CPAMD8: variants seen among roughly 807,000 people sequenced by gnomAD.
CPAMD8 encodes C3 and PZP-like alpha-2-macroglobulin domain-containing protein 8.
CPAMD8 carries 146 observed loss-of-function variants against 224.7 expected under a neutral mutation model. That is an observed-to-expected ratio of 0.65 (90% CI 0.57 to 0.75). The LOEUF (loss-of-function observed/expected upper bound fraction) is 0.75, where lower values mean the gene tolerates loss of function less well. Among genes scored for constraint, CPAMD8 ranks in the 30% least tolerant of loss-of-function variants. The pLI is 0.00. For synonymous variants in CPAMD8, 966 were observed against 1,044.6 expected (o/e 0.92, Z 1.45); for missense variants, 2,301 against 2,537.5 (o/e 0.91, Z 2.00).
rs1451498077 is a variant in CPAMD8 at position 17,010,436 on chromosome 19, C to T, written c.486+1028G>A. On this transcript the variant is annotated intron_variant, in intron 5 of 41. Transcript: ENST00000443236. ...TTTTAATTTTTTGTCAAGACAGTTT[C>T]GCTATGTTGCCCAGAATGGTCTCGG... 1.1e-4 allele frequency among the ~76,000 whole-genome samples: 17 copies of T among 152,136 alleles called. No individual in the cohort carries two copies. In the East Asian group the frequency reaches 2.9e-3, roughly 26 times the overall value.
At chr19:16,962,415 T>C (rs982287359) in intron 18 of CPAMD8, among the ~76,000 whole-genome samples, 12 of 152,112 alleles carry the variant, frequency 7.9e-5, no homozygotes, top group Non-Finnish European at 2.9e-5. Context: ...CAATAGCCGA[T>C]TCGATCAAGT....
At position 16,930,197 on chromosome 19, in the gene CPAMD8, G is replaced by GT. The variant is rs368249910; in HGVS notation, c.2846-958dup. 2.2e-3 allele frequency among the ~76,000 whole-genome samples: 335 copies of GT among 151,984 alleles called. 1 individual carries two copies. Among genetic ancestry groups the GT allele is most frequent in the African/African-American group, 7.7e-3 (321 of 41,444 alleles). ...TTGAACCCAGGAGGTGGAGGTTTCA[G>GT]TGAGCTGAGATCGTGCCACTGCACT... On this transcript the variant is annotated intron_variant, in intron 23 of 41. Transcript: ENST00000443236.
intron 29 of CPAMD8, among the ~76,000 whole-genome samples, chr19:16,912,197 C>T (rs1195299376): frequency 6.6e-6 from 1 of 152,096 alleles, no homozygotes; most frequent in Non-Finnish European, 1.5e-5. Context: ...CAAAACTACC[C>T]CCTCTTCCCC....
At chr19:17,020,888 A>G (rs1051229115) in intron 2 of CPAMD8, among the ~76,000 whole-genome samples, 1 of 152,144 alleles carries the variant, frequency 6.6e-6, no homozygotes, top group Non-Finnish European at 1.5e-5. Flanking sequence ...ACAGATCCTC[A>G]ATTTCCTTGG....
At chr19:16,915,209 G>T (rs952328340) in intron 27 of CPAMD8, among the ~76,000 whole-genome samples, 2 of 151,764 alleles carry the variant, frequency 1.3e-5, no homozygotes, top group African/African-American at 2.4e-5. Flanking sequence ...TCATTCAGGG[G>T]CCAGCAGCCA....
intron 22 of CPAMD8, among the ~76,000 whole-genome samples, chr19:16,939,111 G>C (rs2053792742): frequency 6.6e-6 from 1 of 152,192 alleles, no homozygotes. Context: ...GCTGCAACCA[G>C]AAGGCCTGGC....
At chr19:16,990,941 T>C (rs2055927776) in intron 12 of CPAMD8, among the ~76,000 whole-genome samples, 1 of 138,160 alleles carries the variant, frequency 7.2e-6, no homozygotes, top group Non-Finnish European at 1.5e-5. Flanking sequence ...AGACTCTAAA[T>C]AGGGTATAAA....
intron 18 of CPAMD8, among the ~76,000 whole-genome samples, chr19:16,964,474 C>T (rs577654258): frequency 3.3e-5 from 5 of 152,162 alleles, no homozygotes; most frequent in Admixed American, 6.6e-5. Flanking sequence ...CATACACCCT[C>T]CCAAGACTAA....
At chr19:17,003,030 GT>G (rs2056381922) in intron 8 of CPAMD8, among the ~76,000 whole-genome samples, 1 of 151,364 alleles carries the variant, frequency 6.6e-6, no homozygotes, top group Non-Finnish European at 1.5e-5. Context: ...AGCCTCCCAA[GT>G]AGCTGGGACT....
chr19:16,945,039 C>T lies in CPAMD8; in HGVS notation c.2793+510G>A, dbSNP rs187713424. ...CCCACCCCATCTTATGAAGGTGAGC[C>T]CCTCGTCTTACAGAGCGGGGCTGGA... On this transcript the variant is annotated intron_variant, in intron 22 of 41. Transcript: ENST00000443236. Among the ~76,000 whole-genome samples the T allele has an allele frequency of 5.3e-4, 81 of 152,240 alleles. 1 individual carries two copies. In the East Asian group the frequency reaches 0.014, roughly 27 times the overall value.
At chr19:16,949,003 A>C (rs996381269) in intron 20 of CPAMD8, among the ~76,000 whole-genome samples, 7 of 141,086 alleles carry the variant, frequency 5.0e-5, no homozygotes, top group African/African-American at 1.8e-4. Flanking sequence ...AAAGAGAGAG[A>C]AAAGAAAAGA....
intron 13 of CPAMD8, among the ~76,000 whole-genome samples, chr19:16,988,332 C>T (rs1004333189): frequency 7.3e-5 from 11 of 151,586 alleles, no homozygotes; most frequent in Non-Finnish European, 1.2e-4. Context: ...AGCAACGAGC[C>T]GGGCGTGGTG....
chr19:16,998,441 C>T (rs913222600), intron 10 of CPAMD8, among the ~76,000 whole-genome samples: 7 of 152,080 alleles, frequency 4.6e-5, no homozygotes, highest in Admixed American at 3.3e-4. Context: ...GCCTGGGAGA[C>T]AGAGAGAGAC....
chr19:16,984,532 A>G (rs1169961218), intron 13 of CPAMD8, among the ~76,000 whole-genome samples: 1 of 152,194 alleles, frequency 6.6e-6, no homozygotes, highest in African/African-American at 2.4e-5. Flanking sequence ...CAGCAAAAGA[A>G]AAAGAGAAAT....
chr19:16,965,843 G>A (rs1443610598), intron 18 of CPAMD8, among the ~76,000 whole-genome samples: 1 of 152,028 alleles, frequency 6.6e-6, no homozygotes, highest in Admixed American at 6.6e-5. Context: ...AAATAAAAGA[G>A]GACACAAACA....
intron 29 of CPAMD8, among the ~76,000 whole-genome samples, chr19:16,911,178 G>A (rs1244120271): frequency 6.6e-6 from 1 of 152,156 alleles, no homozygotes; most frequent in Admixed American, 6.6e-5. Flanking sequence ...TGCACAGCAG[G>A]AGGTGAGTGA....
At chr19:16,988,056 C>T (rs1035278141) in intron 13 of CPAMD8, among the ~76,000 whole-genome samples, 1 of 152,148 alleles carries the variant, frequency 6.6e-6, no homozygotes, top group Non-Finnish European at 1.5e-5. Context: ...CACACACACA[C>T]CTTATGTAAT....
At chr19:16,897,136 C>T (rs2052044173) in intron 39 of CPAMD8, among the ~76,000 whole-genome samples, 1 of 126,732 alleles carries the variant, frequency 7.9e-6, no homozygotes, top group African/African-American at 3.1e-5. Context: ...AAATCCCGCC[C>T]CTCAGCGCTG....
chr19:17,019,081 G>T (rs1005910701), intron 3 of CPAMD8, among the ~76,000 whole-genome samples: 1 of 152,088 alleles, frequency 6.6e-6, no homozygotes, highest in African/African-American at 2.4e-5. Flanking sequence ...TGATAAGAGG[G>T]ACTAGGAAAC....
Sources: allele counts gnomAD v4.1 joint callset (sites outside exome capture counted in the v4.1 genomes callset), GRCh38; gene constraint gnomAD v4.1.1; transcripts MANE v1.5; gene names NCBI Gene and HGNC (gene_info 2026-07-23, HGNC 2026-07-21).